MYLK: variants seen among roughly 807,000 people sequenced by gnomAD.
MYLK encodes the protein myosin light chain kinase.
A neutral mutation model predicts 203.4 loss-of-function variants in MYLK; 106 were observed. The observed-to-expected ratio is 0.52, with a 90% confidence interval of 0.45 to 0.61. The LOEUF is 0.61. Among genes scored for constraint, MYLK ranks in the 20% least tolerant of loss-of-function variants. The pLI is 0.00. For missense variants in MYLK, 2,072 were observed against 2,442.3 expected (o/e 0.85, Z 3.20); for synonymous variants, 867 against 959.5 (o/e 0.90, Z 1.78).
intron 6 of MYLK, among the ~76,000 whole-genome samples, chr3:123,739,557 A>G (rs939894231): frequency 6.6e-6 from 1 of 152,224 alleles, no homozygotes; most frequent in Non-Finnish European, 1.5e-5. Context: ...GTTCCAGGAT[A>G]TCTGAACTGA....
chr3:123,796,291 T>C (rs186590172), intron 3 of MYLK, among the ~76,000 whole-genome samples: 1 of 152,272 alleles, frequency 6.6e-6, no homozygotes, highest in East Asian at 1.9e-4. Context: ...CACAGTGAGA[T>C]TGAGAAATTT....
intron 2 of MYLK, among the ~76,000 whole-genome samples, chr3:123,855,681 T>G (rs1427437739): frequency 6.6e-6 from 1 of 152,008 alleles, no homozygotes; most frequent in Non-Finnish European, 1.5e-5. Flanking sequence ...AAAACAAAAT[T>G]AAAATTTTTA....
chr3:123,764,804 G>A (rs543516340), intron 4 of MYLK, among the ~76,000 whole-genome samples: 148 of 152,082 alleles, frequency 9.7e-4, no homozygotes, highest in Non-Finnish European at 1.7e-3. Flanking sequence ...GCTTCACTTC[G>A]CAACCCAGGC....
chr3:123,685,223 C>T (rs541440743), intron 19 of MYLK, among the ~76,000 whole-genome samples: 1 of 152,342 alleles, frequency 6.6e-6, no homozygotes, highest in South Asian at 2.1e-4. Context: ...AAGGGAATCA[C>T]TTATTTTCTC....
chr3:123,651,863 C>T (rs1466378867), intron 24 of MYLK, among the ~76,000 whole-genome samples: 2 of 152,232 alleles, frequency 1.3e-5, no homozygotes, highest in Admixed American at 6.5e-5. Flanking sequence ...TGCTAATGCT[C>T]TGGGGGAAGG....
intron 3 of MYLK, among the ~76,000 whole-genome samples, chr3:123,814,901 T>C (rs2065693794): frequency 6.6e-6 from 1 of 152,096 alleles, no homozygotes; most frequent in South Asian, 2.1e-4. Context: ...CAAGCAAGTC[T>C]CCTGTCTCAG....
intron 2 of MYLK, among the ~76,000 whole-genome samples, chr3:123,837,654 TGCA>T (rs1365558559): frequency 6.6e-6 from 1 of 151,862 alleles, no homozygotes; most frequent in Non-Finnish European, 1.5e-5. Context: ...ATGAATTTAG[TGCA>T]CTTGCATCAC....
intron 4 of MYLK, among the ~76,000 whole-genome samples, chr3:123,781,334 C>T (rs2064290180): frequency 6.6e-6 from 1 of 152,220 alleles, no homozygotes; most frequent in Non-Finnish European, 1.5e-5. Flanking sequence ...TAACTCTGCC[C>T]TCCAGTGGCT....
At chr3:123,787,983 C>T (rs980420676) in intron 4 of MYLK, among the ~76,000 whole-genome samples, 1 of 152,184 alleles carries the variant, frequency 6.6e-6, no homozygotes, top group Non-Finnish European at 1.5e-5. Context: ...GGAAAGGAGA[C>T]AAGGCTGGAG....
At chr3:123,827,748 T>C (rs1173620448) in intron 3 of MYLK, among the ~76,000 whole-genome samples, 3 of 74,660 alleles carry the variant, frequency 4.0e-5, no homozygotes, top group African/African-American at 1.5e-4. Flanking sequence ...TATATATATA[T>C]AAAGACTCTA....
intron 4 of MYLK, among the ~76,000 whole-genome samples, chr3:123,778,438 G>A (rs778588501): frequency 4.0e-5 from 6 of 151,316 alleles, no homozygotes; most frequent in African/African-American, 9.7e-5. Context: ...GCGTGAACCC[G>A]GGAGGTGGAG....
chr3:123,671,775 A>C (rs2059920678), intron 20 of MYLK, among the ~76,000 whole-genome samples: 1 of 152,078 alleles, frequency 6.6e-6, no homozygotes, highest in South Asian at 2.1e-4. Context: ...GGAGAGAGAG[A>C]GCCCAAAGAC....
rs1237072182 is a variant in MYLK, at chr3:123,685,986, G to C, written c.3566-3676C>G. Among the ~76,000 whole-genome samples the C allele has an allele frequency of 2.0e-5, 3 of 152,324 alleles. No homozygotes were observed. The East Asian group carries it at 5.8e-4, about 29-fold the overall frequency. On this transcript the variant is annotated intron_variant, in intron 19 of 33. Transcript: ENST00000360304. ...GTGTCAGCACGGTGGGGCTGTGCAT[G>C]CACCACGGGGCCCTGCCAGGGATGC...
chr3:123,731,887 T>A (rs535047221), intron 11 of MYLK, among the ~76,000 whole-genome samples: 2 of 152,104 alleles, frequency 1.3e-5, no homozygotes, highest in Non-Finnish European at 2.9e-5. Context: ...CCATAAAAAC[T>A]TTTTAAAGAT....
chr3:123,703,112 T>C (rs947149067), intron 16 of MYLK, among the ~76,000 whole-genome samples: 3 of 152,174 alleles, frequency 2.0e-5, no homozygotes, highest in Non-Finnish European at 4.4e-5. Flanking sequence ...TGGACAGGCA[T>C]CTGAGCATGC....
At chr3:123,817,759 T>G (rs1439697776) in intron 3 of MYLK, among the ~76,000 whole-genome samples, 2 of 151,486 alleles carry the variant, frequency 1.3e-5, no homozygotes, top group African/African-American at 4.9e-5. Flanking sequence ...GGCCTGAGAG[T>G]GCGAGGAGCT....
rs144222004 is a variant in MYLK, at chr3:123,733,939, G to A, written c.1057C>T (p.Gln353Ter). The change falls in exon 10 of 34, where the codon CAG becomes TAG. Residue 353 changes from glutamine (Q) to a stop codon, truncating the protein, a stop_gained. Coordinates refer to ENST00000360304, the MANE Select transcript of MYLK (RefSeq NM_053025.4). LOFTEE classifies it high-confidence loss of function. Reference protein sequence around the residue: ...SSITLQAARVQPEPRAPGLGV... With the variant: ...SSITLQAARV ...AGGCCTGGTGCTCTTGGTTCCGGCTGAACTCTTGCGGCCTGCAGGGTGATG... is the reference window on the plus strand; with the variant it reads ...AGGCCTGGTGCTCTTGGTTCCGGCTAAACTCTTGCGGCCTGCAGGGTGATG... 6.2e-7 allele frequency: 1 copy of A among 1,614,076 alleles called. No individual in the cohort carries two copies. Among genetic ancestry groups the A allele is most frequent in the African/African-American group, 1.3e-5 (1 of 74,940 alleles).
chr3:123,858,041 G>A (rs1287700290), intron 2 of MYLK, among the ~76,000 whole-genome samples: 2 of 152,150 alleles, frequency 1.3e-5, no homozygotes, highest in Non-Finnish European at 2.9e-5. Flanking sequence ...TTGGGTACCC[G>A]CTGGTATTGG....
chr3:123,828,813 G>T (rs1020233786), intron 3 of MYLK, among the ~76,000 whole-genome samples: 3 of 152,088 alleles, frequency 2.0e-5, no homozygotes, highest in Admixed American at 1.3e-4. Flanking sequence ...TTTCTCAAAA[G>T]AAGAAATATA....
Sources: gnomAD v4.1 joint callset for allele counts (sites outside exome capture counted in the v4.1 genomes callset) on GRCh38, gnomAD v4.1.1 for gene constraint, MANE v1.5 for transcripts, NCBI Gene and HGNC (gene_info 2026-07-23, HGNC 2026-07-21) for gene names.